The following COL10A1 variants were observed in gnomAD, a reference collection of about 807,000 sequenced individuals.
COL10A1 encodes the protein collagen type X alpha 1 chain.
In COL10A1, 10 loss-of-function variants were observed where a neutral mutation model predicts 18.2. The ratio of observed to expected loss-of-function variants is 0.55; its 90% CI spans 0.34 to 0.93. COL10A1 has a LOEUF of 0.93. COL10A1 is among the 40% of genes least tolerant of loss of function. The pLI, the probability that COL10A1 is intolerant of heterozygous loss-of-function variation, is 0.02. For missense variants in COL10A1, 897 were observed against 853.5 expected (o/e 1.05, Z -0.64); for synonymous variants, 330 against 316.6 (o/e 1.04, Z -0.45).
At chr6:116,156,319 T>G (rs1291218297) in intron 1 of COL10A1, among the ~76,000 whole-genome samples, 1 of 152,190 alleles carries the variant, frequency 6.6e-6, no homozygotes, top group Non-Finnish European at 1.5e-5. Context: ...AAAAAATTTT[T>G]TTTAGGTTGT....
chr6:116,133,555 C>G (rs1027582906), intron 1 of COL10A1, among the ~76,000 whole-genome samples: 3 of 152,178 alleles, frequency 2.0e-5, no homozygotes, highest in African/African-American at 7.2e-5. Flanking sequence ...TGTGGCAACA[C>G]AGACCACCAA....
chr6:116,152,981 G>A (rs1297386739), intron 1 of COL10A1, among the ~76,000 whole-genome samples: 1 of 152,016 alleles, frequency 6.6e-6, no homozygotes, highest in Admixed American at 6.6e-5. Flanking sequence ...AAATACAGAG[G>A]AATGATTGCT....
At chr6:116,151,928 T>G (rs2114399125) in intron 1 of COL10A1, among the ~76,000 whole-genome samples, 2 of 152,356 alleles carry the variant, frequency 1.3e-5, no homozygotes, top group South Asian at 4.1e-4. Context: ...TGAAGTTTTA[T>G]AAGAACATGT....
At chr6:116,160,694 T>C (rs1780305793), upstream of COL10A1, among the ~76,000 whole-genome samples, 1 of 152,232 alleles carries the variant, frequency 6.6e-6, no homozygotes, top group Admixed American at 6.5e-5. Flanking sequence ...ATTCTTTGCC[T>C]AGGCCAGTGT....
chr6:116,154,563 T>G (rs1386614392), intron 1 of COL10A1, among the ~76,000 whole-genome samples: 1 of 152,156 alleles, frequency 6.6e-6, no homozygotes, highest in Non-Finnish European at 1.5e-5. Flanking sequence ...TGTATTTGCT[T>G]TTTTAAAAAA....
At chr6:116,167,848 G>C in the COL10A1 span, among the ~76,000 whole-genome samples, 627 of 152,190 alleles carry the variant, frequency 4.1e-3, 5 homozygotes, top group African/African-American at 0.014. Context: ...TCATATCTGT[G>C]TATTGGATGT....
At chr6:116,183,984 C>T in the COL10A1 span, among the ~76,000 whole-genome samples, 1 of 151,982 alleles carries the variant, frequency 6.6e-6, no homozygotes, top group Non-Finnish European at 1.5e-5. Flanking sequence ...TTCCAGTTCT[C>T]AGGAGGATTG....
At chr6:116,157,362 A>G (rs1032427545) in intron 1 of COL10A1, among the ~76,000 whole-genome samples, 2 of 152,122 alleles carry the variant, frequency 1.3e-5, no homozygotes, top group African/African-American at 4.8e-5. Flanking sequence ...ATGGACTTCC[A>G]CCTTATTACA....
the COL10A1 span, among the ~76,000 whole-genome samples, chr6:116,213,690 T>C: frequency 6.6e-6 from 1 of 151,644 alleles, no homozygotes; most frequent in Non-Finnish European, 1.5e-5. Context: ...TAGGAGAACA[T>C]GAAAATGCCC....
chr6:116,163,135 A>ATATAC (rs1554197048), upstream of COL10A1, among the ~76,000 whole-genome samples: 15 of 98,548 alleles, frequency 1.5e-4, no homozygotes, highest in Non-Finnish European at 2.6e-4. Context: ...TCAAAAAAAA[A>ATATAC]AAAAAAATAT....
chr6:116,203,075 A>G, the COL10A1 span, among the ~76,000 whole-genome samples: 1 of 151,998 alleles, frequency 6.6e-6, no homozygotes, highest in Admixed American at 6.6e-5. Context: ...TTTTTATGGT[A>G]GGACACAGGA....
At chr6:116,136,933 A>T (rs1163827547) in intron 1 of COL10A1, 1 of 152,346 alleles carries the variant, frequency 6.6e-6, no homozygotes, top group Non-Finnish European at 1.5e-5. Flanking sequence ...ATAGTATATA[A>T]ACTAAGAAGA....
intron 1 of COL10A1, among the ~76,000 whole-genome samples, chr6:116,145,111 T>G (rs1310420015): frequency 2.0e-5 from 3 of 152,174 alleles, no homozygotes; most frequent in African/African-American, 7.2e-5. Context: ...GAACTTCTGG[T>G]TTCTGTCTTG....
At chr6:116,143,587 A>G (rs1779818785) in intron 1 of COL10A1, among the ~76,000 whole-genome samples, 1 of 152,070 alleles carries the variant, frequency 6.6e-6, no homozygotes, top group Admixed American at 6.5e-5. Context: ...TCCTATGAAA[A>G]TTTCCAAGTC....
chr6:116,206,066 G>T, the COL10A1 span, among the ~76,000 whole-genome samples: 2 of 151,936 alleles, frequency 1.3e-5, no homozygotes, highest in African/African-American at 4.8e-5. Context: ...GAACCACCCT[G>T]CCTCCTGCTC....
intron 1 of COL10A1, among the ~76,000 whole-genome samples, chr6:116,134,602 T>C (rs751145998): frequency 1.3e-5 from 2 of 152,176 alleles, no homozygotes; most frequent in African/African-American, 2.4e-5. Flanking sequence ...TGCCCAGGGA[T>C]AGGGCCATTC....
intron 1 of COL10A1, among the ~76,000 whole-genome samples, chr6:116,134,791 C>T (rs1490282440): frequency 6.6e-6 from 1 of 152,096 alleles, no homozygotes; most frequent in African/African-American, 2.4e-5. Context: ...TACTGGCTGG[C>T]TAATAAGTTA....
intron 2 of COL10A1, among the ~76,000 whole-genome samples, chr6:116,123,699 A>G (rs1325734331): frequency 6.6e-6 from 1 of 152,208 alleles, no homozygotes; most frequent in Non-Finnish European, 1.5e-5. Flanking sequence ...AATGTCTGCC[A>G]ATGGATGATA....
chr6:116,215,186 G>A, the COL10A1 span, among the ~76,000 whole-genome samples: 1 of 152,216 alleles, frequency 6.6e-6, no homozygotes, highest in South Asian at 2.1e-4. Context: ...AGCACATGAA[G>A]ATAAGATGCC....
Sources: allele counts gnomAD v4.1 joint callset (sites outside exome capture counted in the v4.1 genomes callset), GRCh38; gene constraint gnomAD v4.1.1; transcripts MANE v1.5; gene names NCBI Gene and HGNC (gene_info 2026-07-23, HGNC 2026-07-21).